The following TMC3 variants were observed in gnomAD, a reference collection of about 807,000 sequenced individuals.
TMC3 encodes transmembrane channel-like protein 3.
A neutral mutation model predicts 110.6 loss-of-function variants in TMC3; 98 were observed. That is an observed-to-expected ratio of 0.89 (90% CI 0.75 to 1.05). The LOEUF is 1.05. Among genes scored for constraint, TMC3 ranks in the 50% least tolerant of loss-of-function variants. The probability of loss-of-function intolerance (pLI) is 0.00; values close to 1 mark genes in which losing one functional copy is unlikely to be tolerated. For synonymous variants in TMC3, 489 were observed against 513.1 expected (o/e 0.95, Z 0.63); for missense variants, 1,319 against 1,373.2 (o/e 0.96, Z 0.62).
In TMC3 at chr15:81,362,295, G is replaced by A. The variant is rs373336383; in HGVS notation, c.319C>T (p.Arg107Trp). 33 of 1,611,104 alleles carry A rather than the reference G, an allele frequency of 2.0e-5. 1 individual carries two copies. Among genetic ancestry groups the A allele is most frequent in the South Asian group, 2.0e-4 (18 of 90,402 alleles). Reference protein sequence around the residue: ...GYQAAGAELWRKFARLACNFV... With the variant: ...GYQAAGAELWWKFARLACNFV... Reference sequence around the variant, plus strand: ...TTACAGGCGAGACGAGCAAATTTCCGCCAGAGCTAGACAAGAGGGGTCAGG... The same window carrying A: ...TTACAGGCGAGACGAGCAAATTTCCACCAGAGCTAGACAAGAGGGGTCAGG... Residue 107 changes from arginine (R) to tryptophan (W), a missense_variant, in exon 4 of 22, where the codon CGG becomes TGG. Physicochemically the swap from Arg to Trp is moderately radical, Grantham distance 101. Coordinates refer to ENST00000359440, the MANE Select transcript of TMC3 (RefSeq NM_001080532.3).
At chr15:81,343,138 T>C in intron 15 of TMC3, 140 bp downstream of exon 15, 1 of 549,066 alleles carries the variant, frequency 1.8e-6, no homozygotes, top group Non-Finnish European at 3.3e-6. Context: ...GTAATATACA[T>C]GTGAAATAAT....
In TMC3 at chr15:81,332,900, AGCTG is replaced by A; in HGVS notation, c.2818_2821del (p.Gln940Ter). 1 of 1,613,218 alleles carries A rather than the reference AGCTG, an allele frequency of 6.2e-7. No homozygotes were observed. Reference sequence around the variant, plus strand: ...TGGCGTCTCCTCCTCTTCTTCACTCAGCTGTGGGGAGGGAGGCTGGCGGGGGACC... The same window carrying A: ...TGGCGTCTCCTCCTCTTCTTCACTCATGGGGAGGGAGGCTGGCGGGGGACC... On this transcript the variant is annotated frameshift_variant, in exon 22 of 22. Transcript: ENST00000359440. LOFTEE classifies it low-confidence loss of function (END_TRUNC).
At chr15:81,335,486 T>C (rs1482404704) in intron 20 of TMC3, 1 of 157,066 alleles carries the variant, frequency 6.4e-6, no homozygotes, top group Non-Finnish European at 1.4e-5. Context: ...GCGATGACGA[T>C]TACAGAGGCA....
At chr15:81,346,539 A>C (rs1205067877) in intron 11 of TMC3, 96 bp from the exon 12 acceptor site, 1 of 1,219,730 alleles carries the variant, frequency 8.2e-7, no homozygotes, top group Non-Finnish European at 1.2e-6. Context: ...TCATGGATAT[A>C]TTAAGGCAGT....
In TMC3 at chr15:81,333,183, T is replaced by C; in HGVS notation, c.2539A>G (p.Ile847Val). The change falls in exon 22 of 22, where the codon ATC becomes GTC. Residue 847 changes from isoleucine to valine, a missense_variant. Ile to Val is a conservative substitution (Grantham distance 29). Transcript: ENST00000359440. The stretch of plus-strand genomic sequence containing the variant: ...AGAGGTTCTGAGTGTACATCTTCGA[T>C]GTGCGTTGTAAATGTCATAGGTGTG... ...SRTPMTFTTH[I>V]EDVHSEPLFR... 1.2e-6 allele frequency: 2 copies of C among 1,614,022 alleles called. No homozygotes were observed. Among genetic ancestry groups the C allele is most frequent in the Non-Finnish European group, 1.7e-6 (2 of 1,179,896 alleles).
At chr15:81,362,725 G>A (rs1056511051) in intron 3 of TMC3, among the ~76,000 whole-genome samples, 9 of 152,204 alleles carry the variant, frequency 5.9e-5, no homozygotes, top group African/African-American at 1.9e-4. Flanking sequence ...CAAATTACTC[G>A]AGGAATGATA....
chr15:81,361,229 A>G (rs964517282), intron 4 of TMC3, among the ~76,000 whole-genome samples: 3 of 151,810 alleles, frequency 2.0e-5, no homozygotes, highest in African/African-American at 7.3e-5. Flanking sequence ...TTCCTCCTTC[A>G]CTTTTATGAT....
chr15:81,365,080 C>G (rs991691382), intron 3 of TMC3, among the ~76,000 whole-genome samples: 1 of 152,118 alleles, frequency 6.6e-6, no homozygotes, highest in Non-Finnish European at 1.5e-5. Context: ...TATCTCCAAC[C>G]TGTGATATAT....
intron 16 of TMC3, among the ~76,000 whole-genome samples, chr15:81,339,724 C>T (rs191339064): frequency 1.1e-4 from 16 of 152,326 alleles, no homozygotes; most frequent in Non-Finnish European, 7.4e-5. Context: ...TCCCACCCAA[C>T]CTGTTCATCT....
At chr15:81,344,335 G>A (rs1304364157) in intron 13 of TMC3, among the ~76,000 whole-genome samples, 2 of 152,218 alleles carry the variant, frequency 1.3e-5, no homozygotes, top group Non-Finnish European at 2.9e-5. Context: ...TGAGCTGCAG[G>A]AGACTCGAGG....
chr15:81,344,170 T>A, intron 13 of TMC3, 125 bp from the exon 14 acceptor site: 1 of 932,998 alleles, frequency 1.1e-6, no homozygotes, highest in Non-Finnish European at 1.6e-6. Context: ...TCCAATGGCA[T>A]CTTCATTTCT....
At chr15:81,365,988 T>C (rs1373607439) in intron 3 of TMC3, among the ~76,000 whole-genome samples, 1 of 152,198 alleles carries the variant, frequency 6.6e-6, no homozygotes, top group Non-Finnish European at 1.5e-5. Flanking sequence ...TACATACATA[T>C]GTATGTATAC....
At chr15:81,336,930 C>T (rs1893608717) in intron 19 of TMC3, among the ~76,000 whole-genome samples, 2 of 152,080 alleles carry the variant, frequency 1.3e-5, no homozygotes, top group Non-Finnish European at 2.9e-5. Flanking sequence ...TAATAGTTTG[C>T]CTGAATCACA....
chr15:81,349,601 C>A, intron 10 of TMC3, 34 bp from the exon 11 acceptor site: 1 of 1,294,458 alleles, frequency 7.7e-7, no homozygotes, highest in Admixed American at 3.3e-5. Context: ...GCCAGACATT[C>A]CCAGGACCCC....
intron 21 of TMC3, among the ~76,000 whole-genome samples, chr15:81,334,043 G>A (rs915363172): frequency 4.6e-5 from 7 of 151,762 alleles, no homozygotes; most frequent in African/African-American, 1.2e-4. Flanking sequence ...TATGGTGGCT[G>A]TAGTTTGACC....
At chr15:81,369,538 T>G (rs142464700) in intron 2 of TMC3, among the ~76,000 whole-genome samples, 172 of 152,308 alleles carry the variant, frequency 1.1e-3, no homozygotes, top group Non-Finnish European at 3.4e-4. Flanking sequence ...TCATTTTATA[T>G]CCTTATTTAT....
In TMC3 at chr15:81,372,590, C is replaced by T. The variant is rs779523213; in HGVS notation, c.236+1G>A. On this transcript the variant is annotated splice_donor_variant, in intron 2 of 21. Coordinates refer to ENST00000359440, the MANE Select transcript of TMC3 (RefSeq NM_001080532.3). LOFTEE classifies it high-confidence loss of function. ...TCAATAATGGCCATTGAGGCCCTTACCTCAATGCCCTCAGCTTCTGTCCCA... is the reference window on the plus strand; with the variant it reads ...TCAATAATGGCCATTGAGGCCCTTATCTCAATGCCCTCAGCTTCTGTCCCA... 7.4e-5 allele frequency: 120 copies of T among 1,613,160 alleles called. No homozygotes were observed. The highest frequency in any genetic ancestry group is 5.5e-4 in the Middle Eastern group (3 of 5,492).
At chr15:81,355,813 T>G in intron 8 of TMC3, 45 bp from the exon 9 acceptor site, 1 of 1,248,750 alleles carries the variant, frequency 8.0e-7, no homozygotes. Flanking sequence ...GCATCATCAT[T>G]AATTATAAAT....
Position 81,336,645 on chromosome 15 carries a change from A to G in TMC3, c.2167T>C (p.Ser723Pro). The G allele has an allele frequency of 6.2e-7, 1 of 1,613,946 alleles. No individual in the cohort carries two copies. Among genetic ancestry groups the G allele is most frequent in the South Asian group, 1.1e-5 (1 of 91,070 alleles). The stretch of plus-strand genomic sequence containing the variant: ...TGGGCAACCTTTTTCTTATCCTCTG[A>G]TCTTGCCTAAAATGCAAATGATATG... ...QLKMQIQNAR[S>P]EDKKKVAQMV... The change falls in exon 20 of 22, where the codon TCA becomes CCA. Residue 723 changes from serine to proline, a missense_variant. Coordinates refer to ENST00000359440, the MANE Select transcript of TMC3 (RefSeq NM_001080532.3).
Sources: allele counts gnomAD v4.1 joint callset (sites outside exome capture counted in the v4.1 genomes callset), GRCh38; gene constraint gnomAD v4.1.1; transcripts MANE v1.5; gene names NCBI Gene and HGNC (gene_info 2026-07-23, HGNC 2026-07-21).